DST: variants seen among roughly 807,000 people sequenced by gnomAD.
The protein encoded by DST is bullous pemphigoid antigen.
In DST, 253 loss-of-function variants were observed where a neutral mutation model predicts 875.2. The ratio of observed to expected loss-of-function variants is 0.29; its 90% confidence interval spans 0.26 to 0.32. The LOEUF is 0.32. Ranked by LOEUF, DST falls within the 10% of genes least tolerant of loss-of-function variation. The pLI is 1.00. For synonymous variants in DST, 3,124 were observed against 3,197.1 expected, an observed-to-expected ratio of 0.98 and a Z score of 0.77; for missense variants, 8,287 against 9,111.6, an observed-to-expected ratio of 0.91 and a Z score of 3.68.
Position 56,501,144 on chromosome 6 carries a change from A to T in DST, c.19832T>A (p.Leu6611Gln). The change falls in exon 80 of 104, where the codon CTA (leucine) becomes CAA (glutamine). Residue 6611 changes from leucine to glutamine, a missense_variant. By Grantham distance (113) the Leu-to-Gln change is moderately radical (BLOSUM62 -2). Coordinates refer to ENST00000680361, the MANE Select transcript of DST (RefSeq NM_001374736.1). The stretch of plus-strand genomic sequence containing the variant: ...TCCTCCAACAGGTTTCTGCTCACTT[A>T]GCAAGCCCTCGGTGTGTGTCAGCCA... The part of the protein sequence containing the change: ...LAWLTHTEGL[L>Q]SEQKPVGGDP... 2 of 1,612,864 alleles carry T rather than the reference A, an allele frequency of 1.2e-6. No individual in the cohort carries two copies. The highest frequency in any genetic ancestry group is 2.7e-5 in the African/African-American group (2 of 74,966).
intron 2 of DST, among the ~76,000 whole-genome samples, chr6:56,912,746 C>T (rs541241683): frequency 6.6e-6 from 1 of 152,328 alleles, no homozygotes; most frequent in East Asian, 1.9e-4. Flanking sequence ...ATCCTCTCCA[C>T]TCTGCTGGAT....
chr6:56,604,794 T>C lies in DST; in HGVS notation c.9834A>G (p.Lys3278=). 1 of 1,612,906 alleles carries C rather than the reference T, an allele frequency of 6.2e-7. No homozygotes were observed. Among genetic ancestry groups the C allele is most frequent in the African/African-American group, 1.3e-5 (1 of 74,972 alleles). The part of the protein sequence containing the change: ...IEATLSILSR[K]HVEDVGKNDF... ...CATTTTTCCCAACATCTTCTACATG[T>C]TTACGAGATAATATTGAAAGTGTGG... Residue 3278 remains lysine, a synonymous_variant, in exon 40 of 104, where the codon AAA becomes AAG. Transcript: ENST00000680361.
chr6:56,498,485 T>G (rs2095998577), intron 80 of DST, among the ~76,000 whole-genome samples: 1 of 152,212 alleles, frequency 6.6e-6, no homozygotes, highest in African/African-American at 2.4e-5. Flanking sequence ...CTGAAATGAC[T>G]GTGTGAGAAC....
At chr6:56,896,549 G>C (rs1055632525) in intron 3 of DST, among the ~76,000 whole-genome samples, 1 of 152,140 alleles carries the variant, frequency 6.6e-6, no homozygotes, top group Admixed American at 6.5e-5. Flanking sequence ...AACTAATACA[G>C]TGGCTGTACT....
intron 85 of DST, among the ~76,000 whole-genome samples, chr6:56,491,111 A>G (rs2095721161): frequency 6.6e-6 from 1 of 152,184 alleles, no homozygotes; most frequent in African/African-American, 2.4e-5. Context: ...AACATTAGAG[A>G]TGGAGTATAT....
intron 2 of DST, among the ~76,000 whole-genome samples, chr6:56,950,892 CT>C (rs917841745): frequency 7.1e-4 from 108 of 152,200 alleles, no homozygotes; most frequent in African/African-American, 2.4e-3. Flanking sequence ...TTATAAACAT[CT>C]ATATTACTTA....
chr6:56,582,043 AC>A (rs977452377), intron 49 of DST, among the ~76,000 whole-genome samples: 1 of 152,190 alleles, frequency 6.6e-6, no homozygotes, highest in African/African-American at 2.4e-5. Context: ...TTAAAAGTCA[AC>A]TTTTGCTCCA....
intron 22 of DST, among the ~76,000 whole-genome samples, chr6:56,638,029 A>T (rs1587454735): frequency 6.6e-6 from 1 of 152,240 alleles, no homozygotes; most frequent in East Asian, 1.9e-4. Flanking sequence ...TTATCCATGT[A>T]CCCAAACAAG....
intron 4 of DST, among the ~76,000 whole-genome samples, chr6:56,738,227 T>C (rs1044261544): frequency 6.6e-6 from 1 of 152,232 alleles, no homozygotes; most frequent in Non-Finnish European, 1.5e-5. Context: ...ACTTCTAATC[T>C]ACTTCTTATT....
intron 47 of DST, among the ~76,000 whole-genome samples, chr6:56,596,012 TTTATTTATTTAC>T (rs2098378608): frequency 1.4e-5 from 2 of 145,712 alleles, no homozygotes; most frequent in African/African-American, 5.5e-5. Context: ...CTTTCTTTTA[TTTATTTATTTAC>T]TTATTTATTT....
intron 54 of DST, among the ~76,000 whole-genome samples, chr6:56,568,950 AG>A (rs1343967758): frequency 6.6e-6 from 1 of 152,220 alleles, no homozygotes; most frequent in Non-Finnish European, 1.5e-5. Flanking sequence ...AAAAGGTACT[AG>A]GAACAATAAA....
At chr6:56,888,443 C>T (rs1198982443) in intron 3 of DST, among the ~76,000 whole-genome samples, 2 of 152,056 alleles carry the variant, frequency 1.3e-5, no homozygotes, top group South Asian at 2.1e-4. Context: ...CAAATGTTTC[C>T]TCTAAGAGCT....
intron 4 of DST, among the ~76,000 whole-genome samples, chr6:56,737,505 T>C (rs1349080064): frequency 6.6e-6 from 1 of 152,250 alleles, no homozygotes; most frequent in Non-Finnish European, 1.5e-5. Flanking sequence ...AGTTTCTTTG[T>C]TGCACTAGTC....
chr6:56,608,027 A>G lies in DST; in HGVS notation c.6601T>C (p.Phe2201Leu). Residue 2201 changes from phenylalanine (F) to leucine (L), a missense_variant, in exon 40 of 104, where the codon TTT (phenylalanine) becomes CTT (leucine). By Grantham distance (22) the Phe-to-Leu change is conservative. Around this residue, in one of 10 missense-constraint regions of DST, gnomAD observed 3,138 missense variants for 3,116.6 expected, o/e 1.01. Coordinates refer to ENST00000680361, the MANE Select transcript of DST (RefSeq NM_001374736.1). ...TQTSEETKKL[F>L]LSYLMINSYM... Reference sequence around the variant, plus strand: ...CTATTTATCATTAAATAAGATAGAAATAATTTTTTAGTTTCTTCTGAGGTC... The same window carrying G: ...CTATTTATCATTAAATAAGATAGAAGTAATTTTTTAGTTTCTTCTGAGGTC... 1 of 1,612,792 alleles carries G rather than the reference A, an allele frequency of 6.2e-7. No individual in the cohort carries two copies. The highest frequency in any genetic ancestry group is 8.5e-7 in the Non-Finnish European group (1 of 1,179,272).
At chr6:56,485,899 T>C (rs2095543177) in intron 87 of DST, among the ~76,000 whole-genome samples, 1 of 152,142 alleles carries the variant, frequency 6.6e-6, no homozygotes. Flanking sequence ...CCCAAAAATC[T>C]TCCTCGTGCT....
intron 39 of DST, among the ~76,000 whole-genome samples, chr6:56,609,906 T>C (rs1008383124): frequency 4.6e-5 from 7 of 152,228 alleles, no homozygotes; most frequent in African/African-American, 1.4e-4. Flanking sequence ...GAATATTATG[T>C]TAGGCCTGTT....
intron 69 of DST, among the ~76,000 whole-genome samples, chr6:56,521,961 T>C (rs935983102): frequency 2.0e-5 from 3 of 152,132 alleles, no homozygotes; most frequent in Non-Finnish European, 4.4e-5. Flanking sequence ...GTTGATAATC[T>C]TGGCATCCAT....
intron 4 of DST, among the ~76,000 whole-genome samples, chr6:56,769,262 G>A (rs1016902717): frequency 6.6e-6 from 1 of 152,130 alleles, no homozygotes; most frequent in Non-Finnish European, 1.5e-5. Flanking sequence ...ACATCTATTG[G>A]AATGGCTAAA....
At position 56,561,347 on chromosome 6, in the gene DST, T is replaced by C. The variant is rs765958974; in HGVS notation, c.14271A>G (p.Thr4757=). ...ATKWQQTPAP[T]DTEAVKTQVE... is the part of the protein sequence containing the mutation. ...CTTGAGTCTTCACAGCTTCAGTATC[T>C]GTAGGTGCAGGTGTCTGCTGCCATT... The change falls in exon 57 of 104, where the codon ACA becomes ACG. Residue 4757 remains threonine, a synonymous_variant. Transcript: ENST00000680361. 15 of 1,613,698 alleles carry C rather than the reference T, an allele frequency of 9.3e-6. No homozygotes were observed. The highest frequency in any genetic ancestry group is 1.3e-5 in the Non-Finnish European group (15 of 1,179,732).
Sources: allele counts gnomAD v4.1 joint callset (sites outside exome capture counted in the v4.1 genomes callset), GRCh38; gene constraint gnomAD v4.1.1; regional missense constraint gnomAD v4.1.1; transcripts MANE v1.5; gene names NCBI Gene and HGNC (gene_info 2026-07-23, HGNC 2026-07-21).